Variants in TMEM217 observed in about 807,000 individuals in gnomAD.
TMEM217 encodes the protein transmembrane protein 217.
For missense variants in TMEM217, 204 were observed against 248.8 expected (o/e 0.82, Z 1.21); for synonymous variants, 76 against 88.3 (o/e 0.86, Z 0.78).
chr6:37,230,589 C>T (rs946463630), intron 1 of TMEM217, among the ~76,000 whole-genome samples: 6 of 151,886 alleles, frequency 4.0e-5, no homozygotes, highest in Non-Finnish European at 5.9e-5. Flanking sequence ...GAAAACATGG[C>T]GCAGGGGTGG....
At chr6:37,216,400 CT>C (rs1395017428), downstream of TMEM217, among the ~76,000 whole-genome samples, 1 of 152,132 alleles carries the variant, frequency 6.6e-6, no homozygotes, top group Non-Finnish European at 1.5e-5. Flanking sequence ...TTAGAAAAAT[CT>C]TTCTTGCTGC....
intron 1 of TMEM217, among the ~76,000 whole-genome samples, chr6:37,236,862 C>A (rs952601794): frequency 3.9e-5 from 6 of 152,086 alleles, no homozygotes; most frequent in African/African-American, 1.4e-4. Flanking sequence ...AACTTTGTAG[C>A]CTCTCCTAGA....
exon 2 of TMEM217, chr6:37,218,483 G>A: frequency 6.2e-7 from 1 of 1,613,964 alleles, no homozygotes; most frequent in African/African-American, 1.3e-5. Context: ...ACTCGAAATT[G>A]ATAATCTTTT....
exon 4 of TMEM217, chr6:37,212,220 T>TAAAACAAGTCACACAACACATCTGTAA: frequency 3.0e-6 from 1 of 333,824 alleles, no homozygotes; most frequent in South Asian, 2.4e-5. Flanking sequence ...CATTAACTGC[T>TAAAACAAGTCACACAACACATCTGTAA]AAAACAAGTC....
At chr6:37,224,484 GC>G (rs1763703525) in intron 1 of TMEM217, among the ~76,000 whole-genome samples, 1 of 151,768 alleles carries the variant, frequency 6.6e-6, no homozygotes, top group Admixed American at 6.6e-5. Context: ...TGTGGTCCCA[GC>G]TACTCGGGAG....
At chr6:37,237,970 C>T (rs570325866) in intron 1 of TMEM217, among the ~76,000 whole-genome samples, 1 of 152,142 alleles carries the variant, frequency 6.6e-6, no homozygotes, top group African/African-American at 2.4e-5. Context: ...GGGTACCATA[C>T]AGCCAGATGC....
intron 1 of TMEM217, among the ~76,000 whole-genome samples, chr6:37,241,609 G>A (rs964839664): frequency 1.3e-4 from 20 of 152,150 alleles, no homozygotes; most frequent in Non-Finnish European, 2.4e-4. Context: ...TCTGTTCCAG[G>A]TTCTACATCT....
chr6:37,216,254 G>C (rs1270755307), downstream of TMEM217, among the ~76,000 whole-genome samples: 1 of 151,872 alleles, frequency 6.6e-6, no homozygotes, highest in Non-Finnish European at 1.5e-5. Context: ...AATTTTGGTA[G>C]TTTTAGTAGA....
chr6:37,212,228 G>A, exon 4 of TMEM217: 1 of 334,712 alleles, frequency 3.0e-6, no homozygotes, highest in Admixed American at 4.3e-5. Context: ...GCTAAAACAA[G>A]TCACACAACA....
In TMEM217 at chr6:37,212,428, C is replaced by T. The variant is rs74359974; in HGVS notation, c.*569G>A. 9.5e-3 allele frequency: 3,975 copies of T among 417,742 alleles called. 158 individuals carry two copies. Among genetic ancestry groups the T allele is most frequent in the African/African-American group, 0.073 (3,586 of 49,370 alleles). The allele number at this position is 417,742 out of a possible 1,614,324, so 25.9% of individuals were successfully genotyped here. ...ATCTGGCATGGTTCAGTTTAACTTC[C>T]GGTACAACATTCCCAGACGGACAGG... is the stretch of plus-strand genomic sequence containing the variant. On this transcript the variant is annotated 3_prime_UTR_variant, in exon 4 of 4. Transcript: ENST00000336655.
chr6:37,218,532 T>C (rs1194809796), exon 2 of TMEM217: 1 of 1,614,146 alleles, frequency 6.2e-7, no homozygotes, highest in Admixed American at 1.7e-5. Flanking sequence ...GAAATTCGTC[T>C]CTTGTAGGAA....
rs141908507 is a variant in TMEM217 at position 37,227,625 on chromosome 6, T to C, written c.-11-8584A>G. Among the ~76,000 whole-genome samples, 171 of 152,110 alleles carry C rather than the reference T, an allele frequency of 1.1e-3. 3 individuals are homozygous for C. In the East Asian group the frequency reaches 0.032, roughly 28 times the overall value. ...CCATGCCCATCTAATTTTGTATTTT[T>C]AGTAGAGGTGGGGTTTCATCATGCT... On this transcript the variant is annotated intron_variant, in intron 1 of 1. Coordinates refer to ENST00000357219, the Ensembl canonical transcript of TMEM217.
At chr6:37,253,932 A>T (rs1249883898) in intron 1 of TMEM217, among the ~76,000 whole-genome samples, 1 of 152,210 alleles carries the variant, frequency 6.6e-6, no homozygotes, top group Non-Finnish European at 1.5e-5. Flanking sequence ...GGCATATCTC[A>T]TCCCTTAACT....
chr6:37,221,053 T>C (rs1349842968), intron 1 of TMEM217, among the ~76,000 whole-genome samples: 1 of 152,160 alleles, frequency 6.6e-6, no homozygotes, highest in African/African-American at 2.4e-5. Context: ...CTAGAACTTT[T>C]TCATCTTGCA....
At chr6:37,213,057 C>T, downstream of TMEM217, 1 of 1,080,784 alleles carries the variant, frequency 9.3e-7, no homozygotes, top group Non-Finnish European at 1.3e-6. Flanking sequence ...TAGACAAATC[C>T]CCCAAGTCAC....
rs1172456618 is a variant in TMEM217, at chr6:37,245,892, C to T, written c.-12+11676G>A. On this transcript the variant is annotated intron_variant, in intron 1 of 1. Coordinates refer to ENST00000357219, the Ensembl canonical transcript of TMEM217. ...TTGGCTCACCGCAACCTCTGCCTCCCGGGTTCAAGCGATTCTCCTGCCTCA... is the reference window on the plus strand; with the variant it reads ...TTGGCTCACCGCAACCTCTGCCTCCTGGGTTCAAGCGATTCTCCTGCCTCA... 2.6e-5 allele frequency among the ~76,000 whole-genome samples: 4 copies of T among 151,774 alleles called. 1 individual carries two copies. Among genetic ancestry groups the T allele is most frequent in the African/African-American group, 4.8e-5 (2 of 41,268 alleles).
intron 1 of TMEM217, among the ~76,000 whole-genome samples, chr6:37,243,447 C>T (rs940934922): frequency 1.3e-5 from 2 of 152,200 alleles, no homozygotes; most frequent in Non-Finnish European, 2.9e-5. Flanking sequence ...CCAGTGGGTT[C>T]TTCCTGCCTG....
chr6:37,249,120 C>T, intron 1 of TMEM217, among the ~76,000 whole-genome samples: 1 of 152,192 alleles, frequency 6.6e-6, no homozygotes, highest in African/African-American at 2.4e-5. Context: ...ATCTCAAAAT[C>T]TTTAACTTAA....
chr6:37,247,116 A>T (rs1773279221), intron 1 of TMEM217, among the ~76,000 whole-genome samples: 1 of 152,184 alleles, frequency 6.6e-6, no homozygotes, highest in Non-Finnish European at 1.5e-5. Flanking sequence ...CCTAGAGGAA[A>T]AGGTAACATA....
Sources: allele counts gnomAD v4.1 joint callset (sites outside exome capture counted in the v4.1 genomes callset), GRCh38; gene constraint gnomAD v4.1.1; transcripts MANE v1.5; gene names NCBI Gene and HGNC (gene_info 2026-07-23, HGNC 2026-07-21).